Variants in GRIN2B observed in about 807,000 individuals in gnomAD.
GRIN2B encodes the protein glutamate ionotropic receptor NMDA type subunit 2B, also known as glutamate receptor ionotropic, NMDA 2B.
In GRIN2B, 5 loss-of-function variants were observed where a neutral mutation model predicts 114.5. The ratio of observed to expected loss-of-function variants is 0.04; its 90% CI spans 0.02 to 0.09. GRIN2B has a LOEUF of 0.09. Ranked by LOEUF, GRIN2B falls within the 10% of genes least tolerant of loss-of-function variation. The pLI, the probability that GRIN2B is intolerant of heterozygous loss-of-function variation, is 1.00. For missense variants in GRIN2B, 1,108 were observed against 1,943.5 expected (o/e 0.57, Z 8.08); for synonymous variants, 787 against 745.1 (o/e 1.06, Z -0.92).
intron 4 of GRIN2B, among the ~76,000 whole-genome samples, chr12:13,740,362 T>C (rs1340785364): frequency 6.6e-6 from 1 of 152,224 alleles, no homozygotes; most frequent in Non-Finnish European, 1.5e-5. Flanking sequence ...CAGGGTTCAG[T>C]ACATACAGAA....
At chr12:13,811,221 G>A (rs1864722774) in intron 3 of GRIN2B, among the ~76,000 whole-genome samples, 1 of 152,216 alleles carries the variant, frequency 6.6e-6, no homozygotes. Context: ...TTCTCATCTG[G>A]TAAGGGTCAG....
At chr12:13,851,411 T>C (rs964704588) in intron 3 of GRIN2B, among the ~76,000 whole-genome samples, 12 of 152,200 alleles carry the variant, frequency 7.9e-5, no homozygotes, top group Admixed American at 6.5e-5. Flanking sequence ...CTGGAAACCA[T>C]GATGAGAAAT....
At chr12:13,905,861 C>T (rs550951264) in intron 2 of GRIN2B, among the ~76,000 whole-genome samples, 23 of 152,280 alleles carry the variant, frequency 1.5e-4, no homozygotes, top group Middle Eastern at 3.4e-3. Flanking sequence ...CAGCCCCGTT[C>T]TGCTCAGCCT....
intron 5 of GRIN2B, among the ~76,000 whole-genome samples, chr12:13,649,428 T>C (rs1368970736): frequency 6.6e-6 from 1 of 152,096 alleles, no homozygotes; most frequent in East Asian, 1.9e-4. Flanking sequence ...TCCACAAGAT[T>C]ACAGGTATTC....
Position 13,814,092 on chromosome 12 carries a change from C to A in GRIN2B, c.411+51706G>T, listed in dbSNP as rs185640880. On this transcript the variant is annotated intron_variant, in intron 3 of 13. Coordinates refer to ENST00000609686, the MANE Select transcript of GRIN2B (RefSeq NM_000834.5). ...AAAGTTACCATAGACAAAAAGTCAT[C>A]AGGAAGGAAGTAGCGGAGATTTAGA... 2.0e-4 allele frequency among the ~76,000 whole-genome samples: 30 copies of A among 152,288 alleles called. No homozygotes were observed. The East Asian group carries it at 2.3e-3, about 12-fold the overall frequency.
Position 13,547,981 on chromosome 12 carries a change from A to ATATATATATATATATAT in GRIN2B, c.*14801_*14802insATATATATATATATATA. On this transcript the variant is annotated 3_prime_UTR_variant, in exon 14 of 14. Coordinates refer to ENST00000609686, the MANE Select transcript of GRIN2B (RefSeq NM_000834.5). ...TGTGTATATATATATATATATATATATTTTTTTTTTTTTTCTGAAAGCTAC... is the reference window on the plus strand; with the variant it reads ...TGTGTATATATATATATATATATATATATATATATATATATATTTTTTTTTTTTTTTCTGAAAGCTAC... The ATATATATATATATATAT allele has an allele frequency of 1.5e-5, 1 of 68,592 alleles. No homozygotes were observed. The highest frequency in any genetic ancestry group is 2.9e-5 in the Non-Finnish European group (1 of 34,396). 4.2% of individuals were successfully genotyped at this position (68,592 alleles called of 1,614,324 possible).
chr12:13,919,246 C>T (rs758207610), intron 2 of GRIN2B, among the ~76,000 whole-genome samples: 1 of 152,200 alleles, frequency 6.6e-6, no homozygotes, highest in African/African-American at 2.4e-5. Context: ...TTCTTAGAGA[C>T]CTTCTGAATC....
Position 13,783,985 on chromosome 12 carries a change from A to G in GRIN2B, c.412-30070T>C, listed in dbSNP as rs979046604. On this transcript the variant is annotated intron_variant, in intron 3 of 13. Transcript: ENST00000609686. ...ATGCCTGTAATCCCAGCACTTTGGG[A>G]GGCCAAGGCGGGTGGATCACGAGTT... Among the ~76,000 whole-genome samples, 9 of 152,212 alleles carry G rather than the reference A, an allele frequency of 5.9e-5. No individual in the cohort carries two copies. In the East Asian group the frequency reaches 1.6e-3, roughly 26 times the overall value.
chr12:13,919,629 C>G (rs1866790759), intron 2 of GRIN2B, among the ~76,000 whole-genome samples: 1 of 152,018 alleles, frequency 6.6e-6, no homozygotes, highest in East Asian at 1.9e-4. Flanking sequence ...TCAACTTAAA[C>G]TAAGTCTTTG....
At chr12:13,970,041 TG>T (rs1324237953) in intron 2 of GRIN2B, among the ~76,000 whole-genome samples, 1 of 152,126 alleles carries the variant, frequency 6.6e-6, no homozygotes, top group African/African-American at 2.4e-5. Context: ...TTAGTAGAGA[TG>T]GGGTTTCACC....
chr12:13,802,442 AC>A (rs1864532471), intron 3 of GRIN2B, among the ~76,000 whole-genome samples: 1 of 152,160 alleles, frequency 6.6e-6, no homozygotes, highest in Non-Finnish European at 1.5e-5. Flanking sequence ...GTACTATTTG[AC>A]CAAGTAAGTC....
intron 2 of GRIN2B, among the ~76,000 whole-genome samples, chr12:13,902,826 T>A (rs1866475095): frequency 6.6e-6 from 1 of 152,106 alleles, no homozygotes; most frequent in Non-Finnish European, 1.5e-5. Flanking sequence ...ATAATAAAAA[T>A]AATAATTTTT....
At chr12:13,711,539 A>G (rs556972326) in intron 4 of GRIN2B, among the ~76,000 whole-genome samples, 149 of 152,276 alleles carry the variant, frequency 9.8e-4, no homozygotes, top group African/African-American at 3.4e-3. Flanking sequence ...TAAGAAAAAA[A>G]CAAACAACCC....
chr12:13,978,577 T>G (rs1450371003), intron 2 of GRIN2B, among the ~76,000 whole-genome samples: 1 of 152,224 alleles, frequency 6.6e-6, no homozygotes, highest in Non-Finnish European at 1.5e-5. Flanking sequence ...AAAGAATTGT[T>G]GTTTTAAAAT....
intron 3 of GRIN2B, among the ~76,000 whole-genome samples, chr12:13,865,587 G>C (rs1021521176): frequency 2.6e-5 from 4 of 152,098 alleles, no homozygotes; most frequent in African/African-American, 9.7e-5. Context: ...AGCCGAGATG[G>C]CATCATTGCA....
chr12:13,745,850 C>G (rs11055607), intron 4 of GRIN2B, among the ~76,000 whole-genome samples: 10,460 of 152,120 alleles, frequency 0.069, 479 homozygotes, highest in Non-Finnish European at 0.1. Context: ...CCCTGGGCCT[C>G]GGGTTCCTTA....
chr12:13,849,863 G>A (rs1475911990), intron 3 of GRIN2B, among the ~76,000 whole-genome samples: 1 of 152,172 alleles, frequency 6.6e-6, no homozygotes, highest in Non-Finnish European at 1.5e-5. Flanking sequence ...GAAAGGGCTT[G>A]CACACTGTGT....
intron 2 of GRIN2B, among the ~76,000 whole-genome samples, chr12:13,908,609 A>G (rs1045974187): frequency 3.3e-5 from 5 of 152,050 alleles, no homozygotes; most frequent in Admixed American, 2.0e-4. Flanking sequence ...AATGAGTTGA[A>G]CTCTGTCTCC....
intron 5 of GRIN2B, among the ~76,000 whole-genome samples, chr12:13,657,029 G>C (rs1591661710): frequency 6.6e-6 from 1 of 152,172 alleles, no homozygotes. Context: ...ACCAAGTCAA[G>C]TACAGATGTC....
Sources: gnomAD v4.1 joint callset for allele counts (sites outside exome capture counted in the v4.1 genomes callset) on GRCh38, gnomAD v4.1.1 for gene constraint, MANE v1.5 for transcripts, NCBI Gene and HGNC (gene_info 2026-07-23, HGNC 2026-07-21) for gene names.